Variants in CACNA1E observed in about 807,000 individuals in gnomAD.
CACNA1E encodes the protein calcium voltage-gated channel subunit alpha1 E, also known as voltage-dependent R-type calcium channel subunit alpha-1E.
A neutral mutation model predicts 259.2 loss-of-function variants in CACNA1E; 40 were observed. The ratio of observed to expected loss-of-function variants is 0.15; its 90% confidence interval spans 0.12 to 0.20. The LOEUF (loss-of-function observed/expected upper bound fraction) is 0.20, where lower values mean the gene tolerates loss of function less well. Ranked by LOEUF, CACNA1E falls within the 10% of genes least tolerant of loss-of-function variation. The pLI is 1.00. For missense variants in CACNA1E, 1,874 were observed against 3,040.1 expected (o/e 0.62, Z 9.02); for synonymous variants, 1,104 against 1,138.5 (o/e 0.97, Z 0.61).
intron 19 of CACNA1E, among the ~76,000 whole-genome samples, chr1:181,731,774 G>C (rs1480756984): frequency 6.6e-6 from 1 of 152,054 alleles, no homozygotes; most frequent in Non-Finnish European, 1.5e-5. Context: ...TGAGCTGCTG[G>C]TGGTCTCTGC....
In CACNA1E at chr1:181,631,796, C is replaced by G. The variant is rs79935924; in HGVS notation, c.952-19542C>G. The stretch of plus-strand genomic sequence containing the variant: ...CTCATTGCAAGCTGAAAGTAGAGAG[C>G]TGAGGAACCCCGGGCTTGACCACTT... On this transcript the variant is annotated intron_variant, in intron 6 of 47. Coordinates refer to ENST00000367573, the MANE Select transcript of CACNA1E (RefSeq NM_001205293.3). Among the ~76,000 whole-genome samples the G allele has an allele frequency of 2.3e-3, 349 of 152,294 alleles. 2 individuals are homozygous for G. Among genetic ancestry groups the G allele is most frequent in the African/African-American group, 7.9e-3 (328 of 41,560 alleles).
chr1:181,508,926 T>C (rs996294424), intron 1 of CACNA1E, among the ~76,000 whole-genome samples: 2 of 151,912 alleles, frequency 1.3e-5, no homozygotes, highest in Non-Finnish European at 2.9e-5. Context: ...GCCAGGTCTG[T>C]TTTTAGTTCC....
rs1024382451 is a variant in CACNA1E at position 181,806,749 on chromosome 1, A to T, written c.*7915A>T. 13 of 152,244 alleles carry T rather than the reference A, an allele frequency of 8.5e-5. No individual in the cohort carries two copies. The highest frequency in any genetic ancestry group is 1.3e-4 in the Non-Finnish European group (9 of 68,048). The allele number at this position is 152,244 out of a possible 1,614,324, so 9.4% of individuals were successfully genotyped here. A position where few individuals can be genotyped will look rare whatever the true frequency, so the allele number is the denominator to read the frequency against. On this transcript the variant is annotated 3_prime_UTR_variant, in exon 48 of 48. Coordinates refer to ENST00000367573, the MANE Select transcript of CACNA1E (RefSeq NM_001205293.3). ...AAAACTTTAATGTTTTGGGGGGGATAAAAGAAAAGAATAAATAAAACCTTG... is the reference window on the plus strand; with the variant it reads ...AAAACTTTAATGTTTTGGGGGGGATTAAAGAAAAGAATAAATAAAACCTTG...
In CACNA1E at chr1:181,401,535, G is replaced by T. The variant is rs3894265; in HGVS notation, c.-14-11598G>T. 3.3e-5 allele frequency among the ~76,000 whole-genome samples: 5 copies of T among 152,242 alleles called. No homozygotes were observed. In the South Asian group the frequency reaches 1.0e-3, roughly 32 times the overall value. ...GTTGAATGAATGAGTGAATGACTCA[G>T]TTCACTTTAAAAAAAGCTTGAAGAT... On this transcript the variant is annotated intron_variant, in intron 1 of 11. Coordinates refer to the CACNA1E transcript ENST00000524607.
rs536632126 is a variant in CACNA1E at position 181,403,628 on chromosome 1, G to A, written c.-14-9505G>A. On this transcript the variant is annotated intron_variant, in intron 1 of 11. Coordinates refer to the CACNA1E transcript ENST00000524607. ...GGATAAGAAGACTCCCTCCTGCTGTGATCAGAACAATTAAATGGCTTTGTA... is the reference window on the plus strand; with the variant it reads ...GGATAAGAAGACTCCCTCCTGCTGTAATCAGAACAATTAAATGGCTTTGTA... 3.9e-5 allele frequency among the ~76,000 whole-genome samples: 6 copies of A among 152,240 alleles called. No individual in the cohort carries two copies. In the East Asian group the frequency reaches 1.2e-3, roughly 29 times the overall value.
chr1:181,342,953 G>A (rs149016347), intron 1 of CACNA1E, among the ~76,000 whole-genome samples: 15 of 152,178 alleles, frequency 9.9e-5, no homozygotes, highest in African/African-American at 3.6e-4. Context: ...TGGGTGGCAG[G>A]GCATCAAGAG....
At chr1:181,362,960 G>A (rs1177853039) in intron 1 of CACNA1E, among the ~76,000 whole-genome samples, 1 of 152,244 alleles carries the variant, frequency 6.6e-6, no homozygotes, top group Non-Finnish European at 1.5e-5. Context: ...GGCGTGGAGA[G>A]AGGGTGGAGG....
At chr1:181,433,454 A>C (rs1659851516) in intron 2 of CACNA1E, among the ~76,000 whole-genome samples, 1 of 152,134 alleles carries the variant, frequency 6.6e-6, no homozygotes, top group Non-Finnish European at 1.5e-5. Context: ...TTAATTTTGC[A>C]TTCCATTGCC....
intron 1 of CACNA1E, among the ~76,000 whole-genome samples, chr1:181,495,846 A>G (rs1393655319): frequency 6.6e-6 from 1 of 152,252 alleles, no homozygotes; most frequent in Non-Finnish European, 1.5e-5. Context: ...ATAAATATAT[A>G]ACACTTATTG....
At chr1:181,476,752 G>A (rs1662879948) in intron 2 of CACNA1E, among the ~76,000 whole-genome samples, 2 of 152,184 alleles carry the variant, frequency 1.3e-5, no homozygotes, top group African/African-American at 4.8e-5. Context: ...AGAGGCCGTG[G>A]GGGTGGATGG....
intron 6 of CACNA1E, among the ~76,000 whole-genome samples, chr1:181,595,675 G>A (rs564712236): frequency 2.0e-5 from 3 of 152,240 alleles, no homozygotes; most frequent in East Asian, 1.9e-4. Flanking sequence ...AGAGGCATCC[G>A]TGGCTGGCCA....
At chr1:181,511,222 C>A in intron 2 of CACNA1E, 149 bp from the exon 3 acceptor site, 2 of 840,194 alleles carry the variant, frequency 2.4e-6, no homozygotes, top group Non-Finnish European at 3.8e-6. Flanking sequence ...TCACAGACAG[C>A]CTGCAAGGGT....
intron 2 of CACNA1E, among the ~76,000 whole-genome samples, chr1:181,430,142 C>T (rs947586969): frequency 2.0e-5 from 3 of 152,164 alleles, no homozygotes; most frequent in Admixed American, 6.5e-5. Context: ...TCTCTGTGCA[C>T]ATACAGTAAG....
At chr1:181,715,252 A>G in intron 8 of CACNA1E, 86 bp from the exon 9 acceptor site, 1 of 792,156 alleles carries the variant, frequency 1.3e-6, no homozygotes. Flanking sequence ...TGTTGCCCTG[A>G]GCTGAAGTTG....
At chr1:181,701,608 T>C (rs146330653) in intron 7 of CACNA1E, among the ~76,000 whole-genome samples, 146 of 152,344 alleles carry the variant, frequency 9.6e-4, no homozygotes, top group African/African-American at 3.4e-3. Context: ...AGAGTAGGTC[T>C]GAATTCTGCT....
Position 181,483,590 on chromosome 1 carries a change from C to A in CACNA1E, c.-155C>A. 1 of 455,540 alleles carries A rather than the reference C, an allele frequency of 2.2e-6. No individual in the cohort carries two copies. The highest frequency in any genetic ancestry group is 3.9e-6 in the Non-Finnish European group (1 of 258,432). The allele number at this position is 455,540 out of a possible 1,614,324, so 28.2% of individuals were successfully genotyped here. A position where few individuals can be genotyped will look rare whatever the true frequency, so the allele number is the denominator to read the frequency against. ...TCACAGCGGCGGGCTGCTGCTGCTG[C>A]CTCTCCGAAGAGCTCGCGGAGCTCC... On this transcript the variant is annotated 5_prime_UTR_variant, in exon 1 of 48. Transcript: ENST00000367573.
chr1:181,804,028 A>G lies in CACNA1E; in HGVS notation c.*5194A>G, dbSNP rs1662460017. 1 of 152,200 alleles carries G rather than the reference A, an allele frequency of 6.6e-6. No individual in the cohort carries two copies. The allele number at this position is 152,200 out of a possible 1,614,324, so 9.4% of individuals were successfully genotyped here. ...TTAGTATCTTGAACTTCTAAATGCA[A>G]AAGGAGATTTTATAATAAGCCATGC... On this transcript the variant is annotated 3_prime_UTR_variant, in exon 48 of 48. Transcript: ENST00000367573.
At chr1:181,698,769 G>T (rs1377625008) in intron 7 of CACNA1E, among the ~76,000 whole-genome samples, 1 of 151,962 alleles carries the variant, frequency 6.6e-6, no homozygotes, top group Non-Finnish European at 1.5e-5. Context: ...TTTCAATAAG[G>T]TAACAATTAA....
At chr1:181,445,223 G>A (rs921245593) in intron 2 of CACNA1E, among the ~76,000 whole-genome samples, 1 of 152,158 alleles carries the variant, frequency 6.6e-6, no homozygotes, top group Non-Finnish European at 1.5e-5. Context: ...AGGGAACTTA[G>A]TATTTAGGAA....
Sources: allele counts gnomAD v4.1 joint callset (sites outside exome capture counted in the v4.1 genomes callset), GRCh38; gene constraint gnomAD v4.1.1; transcripts MANE v1.5; gene names NCBI Gene and HGNC (gene_info 2026-07-23, HGNC 2026-07-21).